The following PIP5K1B variants were observed in gnomAD, a reference collection of about 807,000 sequenced individuals.
PIP5K1B encodes phosphatidylinositol 4-phosphate 5-kinase type-1 beta.
Under a neutral mutation model 67.0 loss-of-function variants are expected in PIP5K1B, and 42 were observed. That is an observed-to-expected ratio of 0.63 (90% confidence interval 0.49 to 0.81). The LOEUF (loss-of-function observed/expected upper bound fraction) is 0.81, where lower values mean the gene tolerates loss of function less well. PIP5K1B is among the 30% of genes least tolerant of loss of function. The probability of loss-of-function intolerance (pLI) is 0.00; values close to 1 mark genes in which losing one functional copy is unlikely to be tolerated. For missense variants in PIP5K1B, 459 were observed against 646.3 expected, an observed-to-expected ratio of 0.71 and a Z score of 3.14; for synonymous variants, 214 against 231.4, an observed-to-expected ratio of 0.92 and a Z score of 0.68.
chr9:68,810,553 T>C (rs138660668), intron 2 of PIP5K1B, among the ~76,000 whole-genome samples: 48 of 152,284 alleles, frequency 3.2e-4, no homozygotes, highest in South Asian at 4.1e-4. Context: ...CTTAGTTAAG[T>C]GATTAGGTAA....
intron 11 of PIP5K1B, among the ~76,000 whole-genome samples, chr9:68,920,198 CA>C (rs1412517977): frequency 2.0e-5 from 3 of 151,986 alleles, no homozygotes; most frequent in African/African-American, 4.8e-5. Context: ...TCACCTGTAC[CA>C]GGGGGATAGT....
intron 4 of PIP5K1B, among the ~76,000 whole-genome samples, chr9:68,838,935 T>G (rs1279340535): frequency 6.6e-6 from 1 of 152,212 alleles, no homozygotes; most frequent in Non-Finnish European, 1.5e-5. Context: ...AGATTTTATA[T>G]CAGTTTAGAT....
Position 68,940,655 on chromosome 9 carries a change from C to A in PIP5K1B, c.1367C>A (p.Ser456Tyr). ...TTGCTTTCGTTCCTAGCCCTGGGAT[C>A]CCGACACAGGCCAGACCTGGTCCCT... ...FSSLDEEALG[S>Y]RHRPDLVPST... The change falls in exon 14 of 16, where the codon TCC becomes TAC. Residue 456 changes from serine (S) to tyrosine (Y), a missense_variant. By Grantham distance (144) the Ser-to-Tyr change is moderately radical. Around this residue, in one of 2 missense-constraint regions of PIP5K1B, gnomAD observed 169 missense variants for 171.9 expected, o/e 0.98. Transcript: ENST00000265382. 2.5e-6 allele frequency: 4 copies of A among 1,613,728 alleles called. No individual in the cohort carries two copies. The highest frequency in any genetic ancestry group is 3.4e-6 in the Non-Finnish European group (4 of 1,179,778).
At chr9:68,731,022 C>G (rs1828399687) in intron 1 of PIP5K1B, among the ~76,000 whole-genome samples, 1 of 152,180 alleles carries the variant, frequency 6.6e-6, no homozygotes, top group Admixed American at 6.5e-5. Context: ...AACCAGTAAA[C>G]AGATATGACT....
chr9:68,788,993 TCATGA>T, intron 2 of PIP5K1B: 1 of 349,508 alleles, frequency 2.9e-6, no homozygotes, highest in East Asian at 7.3e-5. Context: ...CACCTGGGGT[TCATGA>T]AGGGAAGTGT....
At chr9:68,897,545 A>G (rs553552102) in intron 8 of PIP5K1B, among the ~76,000 whole-genome samples, 23 of 152,318 alleles carry the variant, frequency 1.5e-4, no homozygotes, top group African/African-American at 4.6e-4. Context: ...AAATAGCACA[A>G]TGTGTTCCGG....
At chr9:68,896,000 G>T (rs998181642) in intron 8 of PIP5K1B, among the ~76,000 whole-genome samples, 3 of 151,050 alleles carry the variant, frequency 2.0e-5, no homozygotes, top group Admixed American at 2.0e-4. Context: ...TCACTCTGAG[G>T]ATTTTTTTTT....
chr9:68,887,789 G>A (rs1824554320), intron 6 of PIP5K1B, among the ~76,000 whole-genome samples: 1 of 152,160 alleles, frequency 6.6e-6, no homozygotes. Context: ...ATGAGGAAAT[G>A]TGAGGAATCA....
chr9:68,831,861 G>C (rs1035121440), intron 4 of PIP5K1B, among the ~76,000 whole-genome samples: 10 of 152,046 alleles, frequency 6.6e-5, no homozygotes, highest in Non-Finnish European at 1.2e-4. Context: ...ATTTTTAGTA[G>C]AGACAGAGTT....
intron 2 of PIP5K1B, among the ~76,000 whole-genome samples, chr9:68,807,159 A>G (rs564856366): frequency 4.6e-5 from 7 of 152,236 alleles, no homozygotes; most frequent in Admixed American, 3.9e-4. Flanking sequence ...TTCATCTTGT[A>G]TACCTCAAAG....
rs187488237 is a variant in PIP5K1B, at chr9:68,708,909, A to G, written c.-243+3147A>G. Among the ~76,000 whole-genome samples the G allele has an allele frequency of 3.9e-4, 59 of 152,356 alleles. No homozygotes were observed. In the East Asian group the frequency reaches 0.011, roughly 27 times the overall value. ...GGGGATTGATGTATGTTTCCTTCTG[A>G]TAAAGAATTTAAATATTAATTAGTT... On this transcript the variant is annotated intron_variant, in intron 1 of 15. Transcript: ENST00000265382.
chr9:68,929,134 C>T (rs1826859487), intron 12 of PIP5K1B, among the ~76,000 whole-genome samples: 1 of 146,886 alleles, frequency 6.8e-6, no homozygotes, highest in African/African-American at 2.5e-5. Context: ...CACTACACTC[C>T]AGCCTGGGTG....
At chr9:68,916,762 C>T (rs1384736789) in intron 8 of PIP5K1B, among the ~76,000 whole-genome samples, 6 of 151,944 alleles carry the variant, frequency 3.9e-5, no homozygotes, top group African/African-American at 1.5e-4. Flanking sequence ...ATACCAGCTA[C>T]TTGGGAGGCT....
chr9:68,899,550 T>G (rs1182563216), intron 8 of PIP5K1B, among the ~76,000 whole-genome samples: 1 of 152,256 alleles, frequency 6.6e-6, no homozygotes, highest in Non-Finnish European at 1.5e-5. Context: ...CTGCCTATTT[T>G]GGAGGAAGTA....
chr9:68,780,250 G>T (rs1288187543), intron 2 of PIP5K1B: 1 of 1,544,914 alleles, frequency 6.5e-7, no homozygotes, highest in Non-Finnish European at 8.7e-7. Context: ...AGCGGCGGCG[G>T]CGGGGGCCTC....
At chr9:68,780,084 C>CATCATTAAA in intron 2 of PIP5K1B, 2 of 1,388,982 alleles carry the variant, frequency 1.4e-6, no homozygotes, top group East Asian at 2.7e-5. Context: ...GTGGCGGCGG[C>CATCATTAAA]AGCGGCGGCG....
At chr9:68,764,206 T>C (rs922201020) in intron 2 of PIP5K1B, among the ~76,000 whole-genome samples, 10 of 151,642 alleles carry the variant, frequency 6.6e-5, no homozygotes, top group Non-Finnish European at 4.4e-5. Flanking sequence ...TTTTGGGGTT[T>C]ACTTTTATCT....
In PIP5K1B at chr9:68,894,409, T is replaced by C. The variant is rs1352887071; in HGVS notation, c.542T>C (p.Ile181Thr). Reference protein sequence around the residue: ...YGLYCMQSGGINIRIVVMNNV... With the variant: ...YGLYCMQSGGTNIRIVVMNNV... ...CTGTATTGTATGCAATCAGGAGGCA[T>C]TAATATCAGGATTGTGGTGATGAAC... is the stretch of plus-strand genomic sequence containing the variant. The change falls in exon 8 of 16, where the codon ATT becomes ACT. Residue 181 changes from isoleucine to threonine, a missense_variant. By Grantham distance (89) the Ile-to-Thr change is moderately conservative. This residue lies in a region of PIP5K1B where 290 missense variants were observed against 474.4 expected (regional missense o/e 0.61). Transcript: ENST00000265382. The C allele has an allele frequency of 6.2e-7, 1 of 1,613,910 alleles. No homozygotes were observed. The highest frequency in any genetic ancestry group is 1.3e-5 in the African/African-American group (1 of 75,034).
chr9:68,788,410 T>C, intron 2 of PIP5K1B: 1 of 634,982 alleles, frequency 1.6e-6, no homozygotes, highest in Non-Finnish European at 2.8e-6. Flanking sequence ...AGTCCAGAAA[T>C]AGCCAGCTGC....
Sources: gnomAD v4.1 joint callset for allele counts (sites outside exome capture counted in the v4.1 genomes callset) on GRCh38, gnomAD v4.1.1 for gene constraint, gnomAD v4.1.1 regional missense constraint, MANE v1.5 for transcripts, NCBI Gene and HGNC (gene_info 2026-07-23, HGNC 2026-07-21) for gene names.